Variants in ARHGAP39 observed in about 807,000 individuals in gnomAD.
The protein encoded by ARHGAP39 is Rho GTPase activating protein 39.
A neutral mutation model predicts 106.9 loss-of-function variants in ARHGAP39; 44 were observed. The observed-to-expected ratio is 0.41, with a 90% CI of 0.32 to 0.53. The LOEUF is 0.53. Ranked by LOEUF, ARHGAP39 falls within the 20% of genes least tolerant of loss-of-function variation. ARHGAP39 has a pLI of 0.21. For synonymous variants in ARHGAP39, 768 were observed against 693.2 expected, an observed-to-expected ratio of 1.11 and a Z score of -1.69; for missense variants, 1,496 against 1,577.3, an observed-to-expected ratio of 0.95 and a Z score of 0.87.
At chr8:144,677,017 C>G (rs1169028120) in intron 1 of ARHGAP39, among the ~76,000 whole-genome samples, 5 of 152,256 alleles carry the variant, frequency 3.3e-5, no homozygotes, top group Non-Finnish European at 7.3e-5. Flanking sequence ...ATCCGCCCGC[C>G]TGGGCCTCCC....
intron 2 of ARHGAP39, among the ~76,000 whole-genome samples, chr8:144,596,961 G>GAAGGGC (rs1385097166): frequency 1.3e-5 from 2 of 152,356 alleles, no homozygotes; most frequent in East Asian, 3.9e-4. Flanking sequence ...GAGACCACCA[G>GAAGGGC]AAGGGCAAGG....
upstream of ARHGAP39, among the ~76,000 whole-genome samples, chr8:144,689,356 T>C (rs946812627): frequency 2.1e-4 from 32 of 151,892 alleles, no homozygotes; most frequent in African/African-American, 7.7e-4. Context: ...CTGTGGCCAG[T>C]CTTCTGGTTT....
At chr8:144,627,958 G>A (rs990524456) in intron 1 of ARHGAP39, among the ~76,000 whole-genome samples, 2 of 152,146 alleles carry the variant, frequency 1.3e-5, no homozygotes, top group African/African-American at 4.8e-5. Flanking sequence ...GGGGCCCGCC[G>A]CAACTCAGAC....
At chr8:144,562,761 G>C (rs1330052025) in intron 3 of ARHGAP39, among the ~76,000 whole-genome samples, 12 of 134,776 alleles carry the variant, frequency 8.9e-5, no homozygotes, top group African/African-American at 3.4e-4. Context: ...GTTTCCATTG[G>C]ACTCCAGTGG....
Position 144,548,325 on chromosome 8 carries a change from A to G in ARHGAP39, c.761T>C (p.Leu254Pro). Residue 254 changes from leucine to proline, a missense_variant, in exon 5 of 12, where the codon CTG becomes CCG. Physicochemically the swap from Leu to Pro is moderately conservative, Grantham distance 98. This residue lies in a region of ARHGAP39 where 905 missense variants were observed against 816.4 expected (regional missense o/e 1.11). Coordinates refer to ENST00000377307, the MANE Select transcript of ARHGAP39 (RefSeq NM_025251.3). The surrounding 1 kb of genome is among the most constrained non-coding windows in gnomAD (Gnocchi z 7.4). ...GTCAGCCTCCGGGGCGAAGGTCTGC[A>G]GGCTGGGTGAGTGCTGGCTGCCGGA... is the stretch of plus-strand genomic sequence containing the variant. ...RPSGSQHSPS[L>P]QTFAPEADGT... 1.2e-6 allele frequency: 2 copies of G among 1,607,656 alleles called. No homozygotes were observed. The highest frequency in any genetic ancestry group is 2.2e-5 in the South Asian group (2 of 90,590).
intron 2 of ARHGAP39, among the ~76,000 whole-genome samples, chr8:144,593,129 G>A (rs1819468720): frequency 6.6e-6 from 1 of 152,248 alleles, no homozygotes; most frequent in African/African-American, 2.4e-5. Flanking sequence ...AGAAGCTGCT[G>A]TCAAGGCGGA....
At chr8:144,571,541 T>C (rs1818587712) in intron 3 of ARHGAP39, among the ~76,000 whole-genome samples, 1 of 152,178 alleles carries the variant, frequency 6.6e-6, no homozygotes, top group South Asian at 2.1e-4. Context: ...TCATACTGAA[T>C]GGGCAAAAAC....
chr8:144,535,253 C>T (rs1816907498), intron 7 of ARHGAP39, among the ~76,000 whole-genome samples: 1 of 152,198 alleles, frequency 6.6e-6, no homozygotes, highest in Non-Finnish European at 1.5e-5. Flanking sequence ...GTCTTGAGTC[C>T]ATCTCTAATT....
At chr8:144,690,567 G>A (rs1218701854), upstream of ARHGAP39, among the ~76,000 whole-genome samples, 1 of 151,808 alleles carries the variant, frequency 6.6e-6, no homozygotes, top group East Asian at 1.9e-4. Flanking sequence ...GATTAGCGAT[G>A]TTGAACAACT....
rs777271217 is a variant in ARHGAP39, at chr8:144,545,206, T to C, written c.2521+43A>G. The C allele has an allele frequency of 2.1e-6, 3 of 1,446,198 alleles. No homozygotes were observed. The South Asian group carries it at 4.7e-5, about 23-fold the overall frequency. 89.6% of individuals were successfully genotyped at this position (1,446,198 alleles called of 1,614,324 possible). On this transcript the variant is annotated intron_variant, in intron 6 of 11. Coordinates refer to ENST00000377307, the MANE Select transcript of ARHGAP39 (RefSeq NM_025251.3). ...CCAGCACAGCAGGAGCCCTCTCCAC[T>C]GCCCTTACCTGAGCTGGTGGCAAAG...
intron 1 of ARHGAP39, among the ~76,000 whole-genome samples, chr8:144,676,503 C>T (rs12114806): frequency 6.8e-6 from 1 of 147,216 alleles, no homozygotes; most frequent in Non-Finnish European, 1.5e-5. Context: ...GCTAGACACA[C>T]AGTGCTGATT....
chr8:144,635,382 C>CA (rs1408922003), intron 1 of ARHGAP39, among the ~76,000 whole-genome samples: 1 of 152,222 alleles, frequency 6.6e-6, no homozygotes, highest in Non-Finnish European at 1.5e-5. Context: ...GAGCTGAACA[C>CA]ATGGGGGGAG....
At chr8:144,579,084 C>T (rs992360977) in intron 3 of ARHGAP39, among the ~76,000 whole-genome samples, 5 of 151,374 alleles carry the variant, frequency 3.3e-5, no homozygotes, top group Non-Finnish European at 4.4e-5. Context: ...TGCCTGTAGT[C>T]CCAGCTACTC....
At chr8:144,580,704 A>T in intron 3 of ARHGAP39, 142 bp downstream of exon 3, 1 of 757,404 alleles carries the variant, frequency 1.3e-6, no homozygotes, top group Non-Finnish European at 1.7e-6. Context: ...ACCATACCCG[A>T]CCTACTCCTA....
chr8:144,576,638 T>C (rs1377186914), intron 3 of ARHGAP39, among the ~76,000 whole-genome samples: 1 of 152,160 alleles, frequency 6.6e-6, no homozygotes, highest in Non-Finnish European at 1.5e-5. Flanking sequence ...TCAAAACGAA[T>C]AACAAATTCA....
intron 1 of ARHGAP39, among the ~76,000 whole-genome samples, chr8:144,616,086 A>C (rs1820628528): frequency 6.6e-6 from 1 of 152,246 alleles, no homozygotes; most frequent in Non-Finnish European, 1.5e-5. Context: ...GATGCGCAGA[A>C]AAAGAATTTC....
intron 4 of ARHGAP39, among the ~76,000 whole-genome samples, chr8:144,550,879 TC>T (rs1318621393): frequency 6.6e-6 from 1 of 152,148 alleles, no homozygotes; most frequent in East Asian, 1.9e-4. Flanking sequence ...GTTCGGGAGA[TC>T]GGGGGTTGAA....
intron 1 of ARHGAP39, among the ~76,000 whole-genome samples, chr8:144,630,739 T>C (rs1563716290): frequency 6.6e-6 from 1 of 152,232 alleles, no homozygotes; most frequent in Non-Finnish European, 1.5e-5. Flanking sequence ...TCCCTCTCTT[T>C]CGCTAGGTGA....
upstream of ARHGAP39, among the ~76,000 whole-genome samples, chr8:144,687,350 C>T (rs1405612638): frequency 1.6e-3 from 27 of 16,416 alleles, 5 homozygotes; most frequent in African/African-American, 4.6e-3. Context: ...TGACCACGCA[C>T]TGGCGGCGAG....
Sources: allele counts gnomAD v4.1 joint callset (sites outside exome capture counted in the v4.1 genomes callset), GRCh38; gene constraint gnomAD v4.1.1; regional missense constraint gnomAD v4.1.1; non-coding constraint Gnocchi (gnomAD v3.1); transcripts MANE v1.5; gene names NCBI Gene and HGNC (gene_info 2026-07-23, HGNC 2026-07-21).